The following ZNF423 variants were observed in gnomAD, a reference collection of about 807,000 sequenced individuals.
The protein encoded by ZNF423 is zinc finger protein 423, also known as Ebf-associated zinc finger protein.
ZNF423 carries 12 observed loss-of-function variants against 95.8 expected under a neutral mutation model. The ratio of observed to expected loss-of-function variants is 0.13; its 90% CI spans 0.08 to 0.20. The LOEUF (loss-of-function observed/expected upper bound fraction) is 0.20. Ranked by LOEUF, ZNF423 falls within the 10% of genes least tolerant of loss-of-function variation. ZNF423 has a pLI of 1.00. For missense variants in ZNF423, 1,316 were observed against 1,737.1 expected (o/e 0.76, Z 4.31); for synonymous variants, 749 against 711.9 (o/e 1.05, Z -0.83).
In ZNF423 at chr16:49,662,940, C is replaced by A. The variant is rs141715360; in HGVS notation, c.302-24066G>T. On this transcript the variant is annotated intron_variant, in intron 3 of 7. Transcript: ENST00000563137. ...GGCCAAGCTGTCATCCAAAACCCCA[C>A]AGGGACCCAAAATCCAACCCCAGCA... 1.3e-3 allele frequency among the ~76,000 whole-genome samples: 202 copies of A among 152,370 alleles called. 1 individual carries two copies. Among genetic ancestry groups the A allele is most frequent in the African/African-American group, 4.5e-3 (186 of 41,588 alleles).
chr16:49,796,875 C>T (rs1439599352), intron 1 of ZNF423, among the ~76,000 whole-genome samples: 2 of 152,126 alleles, frequency 1.3e-5, no homozygotes, highest in Non-Finnish European at 2.9e-5. Context: ...GATCTAGAAC[C>T]ACCTCCACCC....
At chr16:49,831,210 G>A (rs1263784518) in intron 1 of ZNF423, among the ~76,000 whole-genome samples, 2 of 152,136 alleles carry the variant, frequency 1.3e-5, no homozygotes, top group Non-Finnish European at 2.9e-5. Flanking sequence ...ACACCACCCA[G>A]AAATAAAGAG....
Position 49,640,112 on chromosome 16 carries a change from C to T in ZNF423, c.302-1238G>A, listed in dbSNP as rs776432780. The stretch of plus-strand genomic sequence containing the variant: ...CTTGTAACCCCGAGGAAATAAACCA[C>T]TGCCCCCGCCTCTCCAGCCGCCAGC... On this transcript the variant is annotated intron_variant, in intron 3 of 7. Transcript: ENST00000563137. 4.6e-5 allele frequency among the ~76,000 whole-genome samples: 7 copies of T among 152,158 alleles called. No homozygotes were observed. In the South Asian group the frequency reaches 6.2e-4, roughly 14 times the overall value.
intron 5 of ZNF423, among the ~76,000 whole-genome samples, chr16:49,591,121 C>T (rs186518581): frequency 2.2e-4 from 34 of 152,278 alleles, no homozygotes; most frequent in Admixed American, 2.0e-3. Context: ...CCACTGGAAA[C>T]CAAACCAAGT....
At chr16:49,852,165 G>C (rs998168313) in intron 1 of ZNF423, among the ~76,000 whole-genome samples, 5 of 152,108 alleles carry the variant, frequency 3.3e-5, no homozygotes, top group African/African-American at 1.2e-4. Context: ...ACTTAGAGGA[G>C]CTACACGCTG....
At chr16:49,646,568 C>CTTTTTTTTTTTTTTTTTTTTTTTTTTT (rs1194511671) in intron 3 of ZNF423, among the ~76,000 whole-genome samples, 20 of 120,732 alleles carry the variant, frequency 1.7e-4, no homozygotes, top group Non-Finnish European at 3.1e-4. Context: ...ATTTTCTTTT[C>CTTTTTTTTTTTTTTTTTTTTTTTTTTT]TTTTTCTTTT....
chr16:49,754,318 T>C (rs1264368724), intron 2 of ZNF423, among the ~76,000 whole-genome samples: 3 of 152,176 alleles, frequency 2.0e-5, no homozygotes, highest in Admixed American at 1.3e-4. Context: ...TCCAGGGTCA[T>C]TGATTAATCC....
intron 5 of ZNF423, among the ~76,000 whole-genome samples, chr16:49,578,704 AGGGAGG>A (rs1188760946): frequency 6.6e-6 from 1 of 152,194 alleles, no homozygotes; most frequent in East Asian, 1.9e-4. Context: ...GCAGCCTGGA[AGGGAGG>A]GGGACCAGCA....
At chr16:49,504,532 A>G (rs1967554319) in intron 7 of ZNF423, among the ~76,000 whole-genome samples, 1 of 152,180 alleles carries the variant, frequency 6.6e-6, no homozygotes. Context: ...CAATGAGCTG[A>G]GATTGTGCCA....
At position 49,523,747 on chromosome 16, in the gene ZNF423, C is replaced by A. The variant is rs200126025; in HGVS notation, c.3734-8G>T. ...TGTTGGCCTGGACGAAGACTAGACA[C>A]AGACACGGCTGTCAGGGCCAAGCTC... On this transcript the variant is annotated splice_polypyrimidine_tract_variant and splice_region_variant and intron_variant, in intron 6 of 7. Coordinates refer to ENST00000563137, the MANE Select transcript of ZNF423 (RefSeq NM_001379286.1). 62 of 1,611,578 alleles carry A rather than the reference C, an allele frequency of 3.8e-5. No homozygotes were observed. Among genetic ancestry groups the A allele is most frequent in the Admixed American group, 2.7e-4 (16 of 60,018 alleles).
chr16:49,635,805 G>A lies in ZNF423; in HGVS notation c.3371C>T (p.Pro1124Leu), dbSNP rs779898708. 4 of 1,611,308 alleles carry A rather than the reference G, an allele frequency of 2.5e-6. No individual in the cohort carries two copies. The East Asian group carries it at 8.9e-5, about 36-fold the overall frequency. Residue 1124 changes from proline to leucine, a missense_variant, in exon 4 of 8, where the codon CCC (proline) becomes CTC (leucine). Coordinates refer to ENST00000563137, the MANE Select transcript of ZNF423 (RefSeq NM_001379286.1). The surrounding 1 kb of genome is among the most constrained non-coding windows in gnomAD (Gnocchi z 4.8). Reference protein sequence around the residue: ...GLAPPEPADRPCAGLRCPECS... With the variant: ...GLAPPEPADRLCAGLRCPECS... ...CTCGGGGCAACGGAGGCCGGCACAG[G>A]GCCGGTCGGCGGGCTCGGGCGGGGC...
At position 49,636,154 on chromosome 16, in the gene ZNF423, C is replaced by T. The variant is rs755220506; in HGVS notation, c.3022G>A (p.Glu1008Lys). 3.1e-6 allele frequency: 5 copies of T among 1,613,796 alleles called. No homozygotes were observed. The highest frequency in any genetic ancestry group is 2.2e-5 in the East Asian group (1 of 44,874). Residue 1008 changes from glutamate (E) to lysine (K), a missense_variant, in exon 4 of 8, where the codon GAG (glutamate) becomes AAG (lysine). Around this residue, in one of 6 missense-constraint regions of ZNF423, gnomAD observed 620 missense variants for 775.6 expected, o/e 0.80. Coordinates refer to ENST00000563137, the MANE Select transcript of ZNF423 (RefSeq NM_001379286.1). This position sits in a 1 kb window ranked among gnomAD's most constrained non-coding sequence, Gnocchi z 8.6. ...TGGCAGTGCTCAATAAACTCCTCCT[C>T]GCTCTGCAGGGGCATCTTGCAGATG... ...CRICKMPLQS[E>K]EEFIEHCQMH...
intron 7 of ZNF423, among the ~76,000 whole-genome samples, chr16:49,497,638 C>A (rs1053125172): frequency 6.6e-6 from 1 of 152,182 alleles, no homozygotes. Flanking sequence ...CCCCCTTCTC[C>A]CCACTGCCCA....
intron 3 of ZNF423, among the ~76,000 whole-genome samples, chr16:49,719,011 C>G (rs1467705362): frequency 2.0e-5 from 3 of 152,236 alleles, no homozygotes; most frequent in Admixed American, 1.3e-4. Context: ...GAGGCTATTC[C>G]TATCCTCACC....
intron 1 of ZNF423, among the ~76,000 whole-genome samples, chr16:49,851,402 G>A (rs1488082134): frequency 6.6e-6 from 1 of 152,216 alleles, no homozygotes; most frequent in Non-Finnish European, 1.5e-5. Flanking sequence ...CTAATTGCCA[G>A]ACTATTAAAT....
chr16:49,845,349 C>T (rs2035233941), intron 1 of ZNF423, among the ~76,000 whole-genome samples: 1 of 151,628 alleles, frequency 6.6e-6, no homozygotes. Context: ...AGGTGATCTG[C>T]CCCCCTCAGC....
intron 2 of ZNF423, among the ~76,000 whole-genome samples, chr16:49,733,647 C>T (rs536860253): frequency 1.1e-4 from 16 of 152,270 alleles, no homozygotes; most frequent in East Asian, 5.8e-4. Flanking sequence ...GGGATGGAGA[C>T]GAAGGCGAGC....
At chr16:49,660,113 C>T (rs2030126493) in intron 3 of ZNF423, among the ~76,000 whole-genome samples, 1 of 152,210 alleles carries the variant, frequency 6.6e-6, no homozygotes, top group Middle Eastern at 3.2e-3. Context: ...TGGCTTCGAA[C>T]TGCCTGGAGA....
At chr16:49,762,904 C>T (rs1248211126) in intron 2 of ZNF423, among the ~76,000 whole-genome samples, 1 of 152,198 alleles carries the variant, frequency 6.6e-6, no homozygotes, top group Non-Finnish European at 1.5e-5. Flanking sequence ...TGTTTAATCT[C>T]ATCAGTTCTT....
Sources: allele counts gnomAD v4.1 joint callset (sites outside exome capture counted in the v4.1 genomes callset), GRCh38; gene constraint gnomAD v4.1.1; regional missense constraint gnomAD v4.1.1; non-coding constraint Gnocchi (gnomAD v3.1); transcripts MANE v1.5; gene names NCBI Gene and HGNC (gene_info 2026-07-23, HGNC 2026-07-21).